Variants in FGF12 observed in about 807,000 individuals in gnomAD.
The protein encoded by FGF12 is fibroblast growth factor 12B.
In FGF12, 14 loss-of-function variants were observed where a neutral mutation model predicts 23.6. The observed-to-expected ratio is 0.59, with a 90% confidence interval of 0.39 to 0.93. The LOEUF is 0.93. FGF12 is among the 40% of genes least tolerant of loss of function. The pLI, the probability that FGF12 is intolerant of heterozygous loss-of-function variation, is 0.00. For missense variants in FGF12, 175 were observed against 217.8 expected (o/e 0.80, Z 1.24); for synonymous variants, 62 against 77.3 (o/e 0.80, Z 1.04).
chr3:192,547,521 T>C (rs1232137822), intron 2 of FGF12, among the ~76,000 whole-genome samples: 1 of 152,194 alleles, frequency 6.6e-6, no homozygotes, highest in Non-Finnish European at 1.5e-5. Context: ...ATTATTATAA[T>C]TTATAACAGG....
rs149292260 is a variant in FGF12 at position 192,192,219 on chromosome 3, C to T, written c.229-21563G>A. Among the ~76,000 whole-genome samples the T allele has an allele frequency of 1.3e-3, 200 of 152,124 alleles. 1 individual carries two copies. The highest frequency in any genetic ancestry group is 5.4e-3 in the South Asian group (26 of 4,826). ...TAATAAAATTATTACTAGCTTCATA[C>T]TTTTCTTACAAGTTGATCAAAATGG... On this transcript the variant is annotated intron_variant, in intron 4 of 5. Transcript: ENST00000445105.
chr3:192,184,622 C>G lies in FGF12; in HGVS notation c.229-13966G>C, dbSNP rs183243999. Among the ~76,000 whole-genome samples, 164 of 152,256 alleles carry G rather than the reference C, an allele frequency of 1.1e-3. 1 individual carries two copies. Among genetic ancestry groups the G allele is most frequent in the Admixed American group, 4.7e-3 (72 of 15,294 alleles). On this transcript the variant is annotated intron_variant, in intron 4 of 5. Coordinates refer to ENST00000445105, the MANE Select transcript of FGF12 (RefSeq NM_004113.6). ...CAATCCAACTCTGAAAATCAATAGC[C>G]GTACTGCTACCTAATGATGCTATCA...
chr3:192,539,509 T>C (rs1725313046), intron 2 of FGF12, among the ~76,000 whole-genome samples: 1 of 152,194 alleles, frequency 6.6e-6, no homozygotes, highest in Non-Finnish European at 1.5e-5. Flanking sequence ...TCATGATGAA[T>C]GATCTTTTTA....
intron 2 of FGF12, among the ~76,000 whole-genome samples, chr3:192,629,717 G>A (rs191515063): frequency 1.2e-4 from 18 of 152,270 alleles, no homozygotes; most frequent in African/African-American, 4.1e-4. Flanking sequence ...ATGATGATAA[G>A]AGAAAATACT....
intron 2 of FGF12, among the ~76,000 whole-genome samples, chr3:192,656,778 C>T (rs988910212): frequency 5.9e-5 from 9 of 152,078 alleles, no homozygotes; most frequent in Non-Finnish European, 1.3e-4. Flanking sequence ...AGTGTAGGCT[C>T]ATGAAAATGT....
intron 4 of FGF12, among the ~76,000 whole-genome samples, chr3:192,285,005 G>A (rs908133032): frequency 1.3e-5 from 2 of 152,056 alleles, no homozygotes; most frequent in Non-Finnish European, 2.9e-5. Flanking sequence ...CAAGGTACAA[G>A]TACAGACATA....
Position 192,336,387 on chromosome 3 carries a change from C to A in FGF12, c.125-923G>T, listed in dbSNP as rs1165843094. ...CAGAAAAAAAGATACCTAAGAGAAC[C>A]TTCTATTTTTCTTCCAACAATATTT... On this transcript the variant is annotated intron_variant, in intron 3 of 5. Transcript: ENST00000445105. This position sits in a 1 kb window ranked among gnomAD's most constrained non-coding sequence, Gnocchi z 4.3. 6.6e-6 allele frequency among the ~76,000 whole-genome samples: 1 copy of A among 151,904 alleles called. No individual in the cohort carries two copies. The highest frequency in any genetic ancestry group is 1.5e-5 in the Non-Finnish European group (1 of 67,958).
intron 3 of FGF12, among the ~76,000 whole-genome samples, chr3:192,354,715 T>C (rs1718387560): frequency 6.6e-6 from 1 of 152,174 alleles, no homozygotes; most frequent in African/African-American, 2.4e-5. Context: ...TTGTTTGTTT[T>C]TAGTTTTCGA....
At chr3:192,690,089 T>A (rs1043371343) in intron 2 of FGF12, among the ~76,000 whole-genome samples, 2 of 151,902 alleles carry the variant, frequency 1.3e-5, no homozygotes, top group African/African-American at 4.8e-5. Flanking sequence ...AAAAAAGACA[T>A]TCACAGACAA....
intron 2 of FGF12, among the ~76,000 whole-genome samples, chr3:192,534,360 A>C (rs115777507): frequency 2.6e-3 from 389 of 152,190 alleles, no homozygotes; most frequent in African/African-American, 9.1e-3. Flanking sequence ...TCATATTTCT[A>C]TCACTTCCAG....
intron 2 of FGF12, among the ~76,000 whole-genome samples, chr3:192,491,633 G>A (rs974358157): frequency 2.6e-5 from 4 of 152,062 alleles, no homozygotes; most frequent in Admixed American, 1.3e-4. Flanking sequence ...TCACAAAATT[G>A]CTATGTATCT....
intron 4 of FGF12, among the ~76,000 whole-genome samples, chr3:192,266,055 G>A (rs1713058671): frequency 6.6e-6 from 1 of 152,126 alleles, no homozygotes; most frequent in Non-Finnish European, 1.5e-5. Flanking sequence ...TAAGTTGGAA[G>A]CACTTAGCAC....
At chr3:192,173,670 C>G (rs981034927) in intron 4 of FGF12, among the ~76,000 whole-genome samples, 2 of 151,746 alleles carry the variant, frequency 1.3e-5, no homozygotes, top group African/African-American at 4.8e-5. Context: ...TACTAGCAAA[C>G]AGTATTAACC....
At chr3:192,722,227 C>T (rs956625938) in intron 2 of FGF12, among the ~76,000 whole-genome samples, 2 of 152,180 alleles carry the variant, frequency 1.3e-5, no homozygotes, top group Admixed American at 6.5e-5. Context: ...ATTTCCTACA[C>T]TCAGTGACTA....
chr3:192,653,470 T>G (rs960215607), intron 2 of FGF12, among the ~76,000 whole-genome samples: 2 of 152,174 alleles, frequency 1.3e-5, no homozygotes, highest in African/African-American at 4.8e-5. Flanking sequence ...CGCCACCAGT[T>G]TTCCTCAACT....
intron 2 of FGF12, among the ~76,000 whole-genome samples, chr3:192,565,534 C>T (rs1712234001): frequency 1.3e-5 from 2 of 152,162 alleles, no homozygotes; most frequent in South Asian, 4.1e-4. Flanking sequence ...TTTAGATACA[C>T]AAATACAGTT....
At chr3:192,567,509 T>G (rs1477268275) in intron 2 of FGF12, among the ~76,000 whole-genome samples, 1 of 152,136 alleles carries the variant, frequency 6.6e-6, no homozygotes, top group Non-Finnish European at 1.5e-5. Context: ...TGCATTCATT[T>G]TCTAGGGCGG....
chr3:192,697,782 C>G (rs549268597), intron 2 of FGF12, among the ~76,000 whole-genome samples: 1 of 152,168 alleles, frequency 6.6e-6, no homozygotes, highest in East Asian at 1.9e-4. Flanking sequence ...GCCAAGCACA[C>G]GACTCCTTAG....
intron 2 of FGF12, among the ~76,000 whole-genome samples, chr3:192,399,481 C>T (rs1236008567): frequency 2.0e-5 from 3 of 152,182 alleles, no homozygotes; most frequent in Non-Finnish European, 4.4e-5. Context: ...TTTATCATAA[C>T]AACCAGAATG....
Sources: allele counts gnomAD v4.1 joint callset (sites outside exome capture counted in the v4.1 genomes callset), GRCh38; gene constraint gnomAD v4.1.1; non-coding constraint Gnocchi (gnomAD v3.1); transcripts MANE v1.5; gene names NCBI Gene and HGNC (gene_info 2026-07-23, HGNC 2026-07-21).